The following ZNF469 variants were observed in gnomAD, a reference collection of about 807,000 sequenced individuals.
The protein encoded by ZNF469 is zinc finger protein 469.
ZNF469 carries 1 observed loss-of-function variant against 1.0 expected under a neutral mutation model. The observed-to-expected ratio is 1.00, with a 90% CI of 0.35 to 4.73. ZNF469 has a LOEUF of 4.73. Among genes scored for constraint, ZNF469 ranks in the 30% most tolerant of loss-of-function variants. The pLI is 0.16. For missense variants in ZNF469, 6,100 were observed against 5,356.3 expected, an observed-to-expected ratio of 1.14 and a Z score of -4.33; for synonymous variants, 2,703 against 2,363.4, an observed-to-expected ratio of 1.14 and a Z score of -4.17.
At position 88,434,810 on chromosome 16, in the gene ZNF469, G is replaced by A; in HGVS notation, c.7340G>A (p.Arg2447Lys). 1.9e-6 allele frequency: 3 copies of A among 1,550,336 alleles called. No homozygotes were observed. The highest frequency in any genetic ancestry group is 2.6e-6 in the Non-Finnish European group (3 of 1,146,970). ...DPLGPQDLKQ[R>K]SRGYKKKPAS... ...CTCGGCCCCCAAGACCTCAAACAGAGGTCCCGTGGCTATAAAAAGAAGCCT... is the reference window on the plus strand; with the variant it reads ...CTCGGCCCCCAAGACCTCAAACAGAAGTCCCGTGGCTATAAAAAGAAGCCT... Residue 2447 changes from arginine to lysine, a missense_variant, in exon 3 of 3, where the codon AGG (arginine) becomes AAG (lysine). Transcript: ENST00000565624.
chr16:88,192,228 G>C, the ZNF469 span: 2 of 152,266 alleles, frequency 1.3e-5, no homozygotes, highest in African/African-American at 4.8e-5. Flanking sequence ...GAAGCGTTCG[G>C]GGTGAGCATG....
At chr16:88,331,799 A>G in the ZNF469 span, among the ~76,000 whole-genome samples, 4 of 152,160 alleles carry the variant, frequency 2.6e-5, no homozygotes, top group East Asian at 1.9e-4. Context: ...CACCACCATC[A>G]TCATTCTCAT....
chr16:88,380,929 C>A (rs1320631286), upstream of ZNF469, among the ~76,000 whole-genome samples: 3 of 137,970 alleles, frequency 2.2e-5, no homozygotes, highest in Admixed American at 7.2e-5. Context: ...CTCACACAGA[C>A]ACGCACTCAC....
chr16:88,146,390 G>A, the ZNF469 span, among the ~76,000 whole-genome samples: 1 of 152,182 alleles, frequency 6.6e-6, no homozygotes, highest in Non-Finnish European at 1.5e-5. Flanking sequence ...TCTGGGGTCA[G>A]GAGGAGCCAT....
In ZNF469 at chr16:88,434,086, C is replaced by T. The variant is rs1327151619; in HGVS notation, c.6616C>T (p.Pro2206Ser). 6.4e-7 allele frequency: 1 copy of T among 1,550,392 alleles called. No homozygotes were observed. The highest frequency in any genetic ancestry group is 2.0e-5 in the Admixed American group (1 of 51,010). The change falls in exon 3 of 3, where the codon CCC becomes TCC. Residue 2206 changes from proline (P) to serine (S), a missense_variant. Coordinates refer to ENST00000565624, the MANE Select transcript of ZNF469 (RefSeq NM_001367624.2). ...GTCTTTGACAACAAGCCCCTGCGAT[C>T]CCAAGGAAGCCCTGGCTGGTTGCCT... ...PPSLTTSPCD[P>S]KEALAGCLLQ...
chr16:88,277,289 C>T, the ZNF469 span, among the ~76,000 whole-genome samples: 54 of 151,082 alleles, frequency 3.6e-4, no homozygotes, highest in East Asian at 8.1e-3. Flanking sequence ...GCCACGCCGA[C>T]GCTCAGTCAG....
chr16:88,122,296 G>A, the ZNF469 span, among the ~76,000 whole-genome samples: 1 of 142,114 alleles, frequency 7.0e-6, no homozygotes, highest in Non-Finnish European at 1.5e-5. Flanking sequence ...CGGCCACGAT[G>A]GCCCCTTGGA....
At chr16:88,127,614 G>A in the ZNF469 span, among the ~76,000 whole-genome samples, 1 of 152,242 alleles carries the variant, frequency 6.6e-6, no homozygotes, top group African/African-American at 2.4e-5. Flanking sequence ...AAAGGCTGGT[G>A]TGATGAGCGT....
chr16:88,270,106 A>C, the ZNF469 span, among the ~76,000 whole-genome samples: 1 of 151,996 alleles, frequency 6.6e-6, no homozygotes, highest in Non-Finnish European at 1.5e-5. Flanking sequence ...TTGGAGGTAA[A>C]TTGCGCCTGC....
At chr16:88,192,477 T>C in the ZNF469 span, among the ~76,000 whole-genome samples, 1 of 152,186 alleles carries the variant, frequency 6.6e-6, no homozygotes, top group Non-Finnish European at 1.5e-5. Context: ...AGGTCCTCTG[T>C]CTCATGGAAT....
Position 88,428,195 on chromosome 16 carries a change from G to A in ZNF469, c.725G>A (p.Ser242Asn). Residue 242 changes from serine to asparagine, a missense_variant, in exon 3 of 3, where the codon AGC becomes AAC. By Grantham distance (46) the Ser-to-Asn change is conservative. Transcript: ENST00000565624. ...TCCTGGCCTCCCGCTGCTGAGAATA[G>A]CTTCCCAGGTGCTAATTTCGGGGTT... ...ADSWPPAAENSFPGANFGVPP... is the reference protein window; with the variant it reads ...ADSWPPAAENNFPGANFGVPP... The A allele has an allele frequency of 1.3e-6, 2 of 1,550,276 alleles. No homozygotes were observed. Among genetic ancestry groups the A allele is most frequent in the Non-Finnish European group, 1.7e-6 (2 of 1,146,922 alleles).
chr16:88,331,710 TCAC>T, the ZNF469 span, among the ~76,000 whole-genome samples: 1 of 146,100 alleles, frequency 6.8e-6, no homozygotes, highest in Non-Finnish European at 1.5e-5. Context: ...ACCATCATCA[TCAC>T]CATCGTCACC....
chr16:88,288,716 T>A, the ZNF469 span, among the ~76,000 whole-genome samples: 1 of 152,174 alleles, frequency 6.6e-6, no homozygotes, highest in Admixed American at 6.5e-5. Context: ...GACCTGCTTG[T>A]CCAAAAAGTA....
the ZNF469 span, chr16:88,178,583 C>T: frequency 6.6e-6 from 1 of 152,206 alleles, no homozygotes; most frequent in Non-Finnish European, 1.5e-5. Flanking sequence ...GACTTTTTCT[C>T]AGCATCTTGC....
chr16:88,372,499 A>G, the ZNF469 span, among the ~76,000 whole-genome samples: 21 of 151,270 alleles, frequency 1.4e-4, no homozygotes, highest in African/African-American at 4.4e-4. Context: ...CATCACCACC[A>G]TCACCATGAT....
chr16:88,253,683 G>A, the ZNF469 span, among the ~76,000 whole-genome samples: 116 of 151,570 alleles, frequency 7.7e-4, 1 homozygote, highest in East Asian at 0.01. Context: ...GATCACAGGC[G>A]CCAGCCACCA....
the ZNF469 span, among the ~76,000 whole-genome samples, chr16:88,328,779 C>T: frequency 6.6e-6 from 1 of 152,172 alleles, no homozygotes; most frequent in Non-Finnish European, 1.5e-5. Flanking sequence ...CTAGGGAGGG[C>T]TGCTTCCCAC....
chr16:88,264,130 C>G, the ZNF469 span, among the ~76,000 whole-genome samples: 2 of 152,260 alleles, frequency 1.3e-5, no homozygotes, highest in East Asian at 1.9e-4. Flanking sequence ...GGGCCACGTC[C>G]TCTGCATGTG....
intron 1 of ZNF469, among the ~76,000 whole-genome samples, chr16:88,388,104 G>T (rs1372747260): frequency 6.6e-6 from 1 of 152,268 alleles, no homozygotes; most frequent in Non-Finnish European, 1.5e-5. Flanking sequence ...CCAGAGAGGA[G>T]AGCGGCCGAG....
Sources: gnomAD v4.1 joint callset for allele counts (sites outside exome capture counted in the v4.1 genomes callset) on GRCh38, gnomAD v4.1.1 for gene constraint, MANE v1.5 for transcripts, NCBI Gene and HGNC (gene_info 2026-07-23, HGNC 2026-07-21) for gene names.